LCOR: variants seen among roughly 807,000 people sequenced by gnomAD.
LCOR encodes the protein ligand dependent nuclear receptor corepressor.
In LCOR, 14 loss-of-function variants were observed where a neutral mutation model predicts 64.4. The ratio of observed to expected loss-of-function variants is 0.22; its 90% CI spans 0.14 to 0.34. The LOEUF is 0.34. LCOR is among the 10% of genes least tolerant of loss of function. The pLI is 1.00. For synonymous variants in LCOR, 643 were observed against 642.5 expected (o/e 1.00, Z -0.01); for missense variants, 1,686 against 1,765.3 (o/e 0.96, Z 0.80).
intron 7 of LCOR, chr10:96,956,309 C>T (rs1295851127): frequency 1.0e-6 from 1 of 993,786 alleles, no homozygotes; most frequent in Non-Finnish European, 1.2e-6. Flanking sequence ...ACAAAGCCCC[C>T]TTTTAGAAAC....
intron 2 of LCOR, among the ~76,000 whole-genome samples, chr10:96,867,430 C>T (rs1420538400): frequency 6.6e-6 from 1 of 152,080 alleles, no homozygotes. Flanking sequence ...GATCTTGCCT[C>T]CCCAAAACAT....
chr10:96,855,364 A>G (rs1265277924), intron 2 of LCOR, among the ~76,000 whole-genome samples: 1 of 152,080 alleles, frequency 6.6e-6, no homozygotes, highest in East Asian at 1.9e-4. Flanking sequence ...GCTCAAGCCC[A>G]TTTAAGTTGG....
At chr10:96,867,894 C>CT (rs999999458) in intron 2 of LCOR, among the ~76,000 whole-genome samples, 2 of 150,282 alleles carry the variant, frequency 1.3e-5, no homozygotes, top group Non-Finnish European at 3.0e-5. Flanking sequence ...ATTTTTTTTT[C>CT]TTTTTTTGAG....
intron 2 of LCOR, among the ~76,000 whole-genome samples, chr10:96,838,567 T>G (rs1196643531): frequency 6.6e-6 from 1 of 152,256 alleles, no homozygotes; most frequent in Non-Finnish European, 1.5e-5. Flanking sequence ...AGCATGTAAT[T>G]GGAGTCATAC....
rs1846951797 is a variant in LCOR, at chr10:96,916,598, T to C, written c.-184+8851T>C. 1.3e-5 allele frequency among the ~76,000 whole-genome samples: 2 copies of C among 148,802 alleles called. 1 individual carries two copies. The highest frequency in any genetic ancestry group is 1.3e-4 in the Admixed American group (2 of 14,858). ...GAGATATTTAAAGGCTATATATATA[T>C]ATATATATCTATATATATGATTATT... On this transcript the variant is annotated intron_variant, in intron 4 of 7. Coordinates refer to ENST00000421806, the MANE Select transcript of LCOR (RefSeq NM_001346516.2).
chr10:96,862,268 T>C (rs1041873542), intron 2 of LCOR, among the ~76,000 whole-genome samples: 1 of 149,936 alleles, frequency 6.7e-6, no homozygotes, highest in Non-Finnish European at 1.5e-5. Context: ...ATAGACATGA[T>C]TTTTTTTTCT....
intron 6 of LCOR, among the ~76,000 whole-genome samples, chr10:96,951,014 G>A (rs1280505813): frequency 6.6e-6 from 1 of 151,978 alleles, no homozygotes; most frequent in Non-Finnish European, 1.5e-5. Flanking sequence ...TACAAACTCT[G>A]TTGCCTGTTT....
chr10:96,930,793 G>T (rs1847245661), intron 4 of LCOR, among the ~76,000 whole-genome samples: 1 of 152,138 alleles, frequency 6.6e-6, no homozygotes, highest in Non-Finnish European at 1.5e-5. Flanking sequence ...TTGGTGTAGG[G>T]TTAGGCTAGC....
chr10:96,973,453 C>T lies in LCOR; in HGVS notation c.333-7340C>T, dbSNP rs747500988. Among the ~76,000 whole-genome samples the T allele has an allele frequency of 1.7e-4, 26 of 152,266 alleles. No individual in the cohort carries two copies. In the East Asian group the frequency reaches 3.9e-3, roughly 23 times the overall value. ...ATAGCCAAGAGTAGATAAATTTCTC[C>T]GTGTAGAGCAAGGACTTGTCAGCAG... On this transcript the variant is annotated intron_variant, in intron 7 of 7. Transcript: ENST00000421806.
intron 2 of LCOR, among the ~76,000 whole-genome samples, chr10:96,836,312 G>A (rs533156859): frequency 2.1e-4 from 32 of 152,232 alleles, no homozygotes; most frequent in African/African-American, 6.7e-4. Flanking sequence ...TTTAGAGACA[G>A]GGTTTGGCTA....
In LCOR at chr10:96,993,779, G is replaced by A. The variant is rs571842057; in HGVS notation, c.*8645G>A. The A allele has an allele frequency of 1.3e-5, 2 of 148,660 alleles. No individual in the cohort carries two copies. The highest frequency in any genetic ancestry group is 4.9e-5 in the African/African-American group (2 of 40,568). The allele number at this position is 148,660 out of a possible 1,614,324, so 9.2% of individuals were successfully genotyped here. A position where few individuals can be genotyped will look rare whatever the true frequency, so the allele number is the denominator to read the frequency against. On this transcript the variant is annotated 3_prime_UTR_variant, in exon 8 of 8. Coordinates refer to ENST00000421806, the MANE Select transcript of LCOR (RefSeq NM_001346516.2). ...TATATATTATATATATATATATACA[G>A]GTGTATGATAAACTGGTCAGTGGTC...
Position 96,932,822 on chromosome 10 carries a change from G to A in LCOR, c.-183-11291G>A, listed in dbSNP as rs190846688. 3.3e-5 allele frequency among the ~76,000 whole-genome samples: 5 copies of A among 152,236 alleles called. No individual in the cohort carries two copies. In the East Asian group the frequency reaches 7.7e-4, roughly 23 times the overall value. The stretch of plus-strand genomic sequence containing the variant: ...TACAAGTGTTGCACCATAGTACCCC[G>A]AACACTGCAAGTGGGAATACAAATT... On this transcript the variant is annotated intron_variant, in intron 4 of 7. Coordinates refer to ENST00000421806, the MANE Select transcript of LCOR (RefSeq NM_001346516.2).
At chr10:96,873,567 CACACGTGTGTGTGTGTGT>C (rs1314379008) in intron 2 of LCOR, among the ~76,000 whole-genome samples, 10 of 118,402 alleles carry the variant, frequency 8.4e-5, no homozygotes, top group Admixed American at 2.7e-4. Context: ...TACACACACA[CACACGTGTGTGTGTGTGT>C]GTGTGTGTGT....
At chr10:96,872,521 T>A (rs1391488308) in intron 2 of LCOR, among the ~76,000 whole-genome samples, 1 of 151,676 alleles carries the variant, frequency 6.6e-6, no homozygotes. Flanking sequence ...GGTGGAACCC[T>A]CTCTCTACAA....
intron 7 of LCOR, chr10:96,963,382 G>A (rs1391766760): frequency 6.6e-6 from 1 of 152,212 alleles, no homozygotes; most frequent in Non-Finnish European, 1.5e-5. Context: ...CCTTCTTGAT[G>A]TGGCTCTTGC....
intron 2 of LCOR, among the ~76,000 whole-genome samples, chr10:96,871,064 T>C (rs983502857): frequency 1.3e-5 from 2 of 152,094 alleles, no homozygotes; most frequent in Non-Finnish European, 2.9e-5. Flanking sequence ...AATATGTGTG[T>C]GTATATATAA....
chr10:96,993,613 C>G lies in LCOR; in HGVS notation c.*8479C>G, dbSNP rs995023590. On this transcript the variant is annotated 3_prime_UTR_variant, in exon 8 of 8. Transcript: ENST00000421806. ...AGAATATATTTTGAGCAGTGGACTT[C>G]CTTTCATAACACAGTTCACACATGG... 1 of 151,900 alleles carries G rather than the reference C, an allele frequency of 6.6e-6. No homozygotes were observed. Among genetic ancestry groups the G allele is most frequent in the Non-Finnish European group, 1.5e-5 (1 of 67,992 alleles). The allele number at this position is 151,900 out of a possible 1,614,324, so 9.4% of individuals were successfully genotyped here.
intron 2 of LCOR, among the ~76,000 whole-genome samples, chr10:96,878,528 A>G (rs1013906903): frequency 6.6e-6 from 1 of 152,152 alleles, no homozygotes; most frequent in Admixed American, 6.6e-5. Context: ...AAGCAACTGA[A>G]AGTTTAGAGT....
intron 4 of LCOR, among the ~76,000 whole-genome samples, chr10:96,932,052 A>G (rs1282451434): frequency 1.3e-5 from 2 of 152,296 alleles, no homozygotes; most frequent in African/African-American, 2.4e-5. Context: ...ATCTTTCTTT[A>G]TAAGTGATTT....
Sources: gnomAD v4.1 joint callset for allele counts (sites outside exome capture counted in the v4.1 genomes callset) on GRCh38, gnomAD v4.1.1 for gene constraint, MANE v1.5 for transcripts, NCBI Gene and HGNC (gene_info 2026-07-23, HGNC 2026-07-21) for gene names.